COL25A1: variants seen among roughly 807,000 people sequenced by gnomAD.
COL25A1 encodes the protein collagen alpha-1(XXV) chain.
A neutral mutation model predicts 128.4 loss-of-function variants in COL25A1; 103 were observed. That is an observed-to-expected ratio of 0.80 (90% CI 0.68 to 0.94). The LOEUF is 0.94. COL25A1 is among the 40% of genes least tolerant of loss of function. The probability of loss-of-function intolerance (pLI) is 0.00; values close to 1 mark genes in which losing one functional copy is unlikely to be tolerated. For missense variants in COL25A1, 745 were observed against 840.0 expected (o/e 0.89, Z 1.40); for synonymous variants, 279 against 277.2 (o/e 1.01, Z -0.06).
intron 3 of COL25A1, among the ~76,000 whole-genome samples, chr4:109,151,667 C>T (rs897033476): frequency 9.9e-5 from 15 of 152,102 alleles, no homozygotes; most frequent in South Asian, 4.1e-4. Context: ...TTCACACTGT[C>T]GGTACATACA....
chr4:109,271,330 A>G lies in COL25A1; in HGVS notation c.367+29253T>C, dbSNP rs370965250. On this transcript the variant is annotated intron_variant, in intron 3 of 37. Transcript: ENST00000399132. Reference sequence around the variant, plus strand: ...AAATGCCCAATTTTATAGTGTACTAAATTCTACTTCACCTAGCTGAAAACT... The same window carrying G: ...AAATGCCCAATTTTATAGTGTACTAGATTCTACTTCACCTAGCTGAAAACT... 3.3e-5 allele frequency among the ~76,000 whole-genome samples: 5 copies of G among 152,330 alleles called. No individual in the cohort carries two copies. The East Asian group carries it at 9.6e-4, about 29-fold the overall frequency.
chr4:109,224,998 C>A (rs1433111933), intron 3 of COL25A1, among the ~76,000 whole-genome samples: 2 of 152,094 alleles, frequency 1.3e-5, no homozygotes, highest in Non-Finnish European at 2.9e-5. Context: ...GAGTCATACT[C>A]CCAGAAAATC....
chr4:109,183,750 C>T (rs952020566), intron 3 of COL25A1, among the ~76,000 whole-genome samples: 2 of 151,926 alleles, frequency 1.3e-5, no homozygotes, highest in African/African-American at 2.4e-5. Context: ...AGAGGCACAA[C>T]ACGTATGCCC....
chr4:109,188,431 T>G (rs1775324047), intron 3 of COL25A1, among the ~76,000 whole-genome samples: 1 of 152,214 alleles, frequency 6.6e-6, no homozygotes, highest in Non-Finnish European at 1.5e-5. Context: ...TTTCATGATT[T>G]CATATTCAGA....
Position 109,091,513 on chromosome 4 carries a change from C to CTG in COL25A1, c.368-41336_368-41335dup, listed in dbSNP as rs371065937. Among the ~76,000 whole-genome samples, 7 of 151,718 alleles carry CTG rather than the reference C, an allele frequency of 4.6e-5. 1 individual carries two copies. Among genetic ancestry groups the CTG allele is most frequent in the South Asian group, 4.2e-4 (2 of 4,816 alleles). On this transcript the variant is annotated intron_variant, in intron 3 of 37. Transcript: ENST00000399132. ...ACCGTTATTTTCATCCAAATCGTCTCTGTGTGTGTGTGTGTCTGTCTATCT... is the reference window on the plus strand; with the variant it reads ...ACCGTTATTTTCATCCAAATCGTCTCTGTGTGTGTGTGTGTGTCTGTCTATCT...
chr4:108,897,895 G>A (rs886547465), intron 15 of COL25A1, among the ~76,000 whole-genome samples: 14 of 152,078 alleles, frequency 9.2e-5, no homozygotes, highest in African/African-American at 2.7e-4. Flanking sequence ...AATACACTGC[G>A]GCAGGCCACA....
chr4:109,199,810 T>G (rs1776411485), intron 3 of COL25A1, among the ~76,000 whole-genome samples: 1 of 152,158 alleles, frequency 6.6e-6, no homozygotes, highest in Non-Finnish European at 1.5e-5. Flanking sequence ...TAATTTACCA[T>G]GACTCTTGTC....
chr4:108,840,969 T>C (rs1407494864), intron 31 of COL25A1, among the ~76,000 whole-genome samples: 2 of 152,144 alleles, frequency 1.3e-5, no homozygotes, highest in Non-Finnish European at 2.9e-5. Context: ...CCTGGCAAGA[T>C]TGAGATTAGA....
intron 3 of COL25A1, among the ~76,000 whole-genome samples, chr4:109,246,265 CAG>C (rs1306262682): frequency 1.3e-5 from 2 of 152,050 alleles, no homozygotes; most frequent in Non-Finnish European, 2.9e-5. Context: ...TAAAATTAAG[CAG>C]AGATATAAAA....
intron 26 of COL25A1, among the ~76,000 whole-genome samples, chr4:108,849,471 A>T (rs1419998291): frequency 6.6e-6 from 1 of 152,208 alleles, no homozygotes; most frequent in Non-Finnish European, 1.5e-5. Context: ...TTTTTGACAA[A>T]CTCAAAATAT....
chr4:109,077,562 A>C (rs890614240), intron 3 of COL25A1, among the ~76,000 whole-genome samples: 2 of 152,244 alleles, frequency 1.3e-5, no homozygotes, highest in Non-Finnish European at 2.9e-5. Flanking sequence ...CAGACTAAAA[A>C]TTTTAAATAG....
intron 18 of COL25A1, among the ~76,000 whole-genome samples, chr4:108,887,977 C>G (rs1741022766): frequency 6.6e-6 from 1 of 152,076 alleles, no homozygotes; most frequent in African/African-American, 2.4e-5. Context: ...GACCATGGAT[C>G]TCTGTATCAC....
intron 6 of COL25A1, among the ~76,000 whole-genome samples, chr4:109,007,835 G>A (rs138371972): frequency 7.9e-5 from 12 of 152,164 alleles, no homozygotes; most frequent in Non-Finnish European, 1.5e-4. Context: ...TTCATTCTTA[G>A]CCACCATCAT....
intron 3 of COL25A1, among the ~76,000 whole-genome samples, chr4:109,055,747 G>A (rs1451766902): frequency 1.3e-5 from 2 of 152,100 alleles, no homozygotes; most frequent in South Asian, 2.1e-4. Flanking sequence ...CTGACCACTC[G>A]GAAAACTTTA....
intron 3 of COL25A1, among the ~76,000 whole-genome samples, chr4:109,143,498 G>A (rs1222803049): frequency 6.6e-6 from 1 of 152,192 alleles, no homozygotes; most frequent in East Asian, 1.9e-4. Flanking sequence ...CCTAAAGAGT[G>A]TCTTCCAACT....
rs796972795 is a variant in COL25A1, at chr4:109,165,788, T to C, written c.368-115609A>G. Among the ~76,000 whole-genome samples the C allele has an allele frequency of 1.4e-4, 21 of 152,318 alleles. 1 individual carries two copies. Among genetic ancestry groups the C allele is most frequent in the African/African-American group, 4.3e-4 (18 of 41,564 alleles). ...AAAAGTATAGTTCACATTAAGTGTA[T>C]GCTATCTCCATAATATTAAGAACTT... is the stretch of plus-strand genomic sequence containing the variant. On this transcript the variant is annotated intron_variant, in intron 3 of 37. Transcript: ENST00000399132.
At chr4:108,908,346 C>T (rs1016440149) in intron 13 of COL25A1, among the ~76,000 whole-genome samples, 1 of 152,184 alleles carries the variant, frequency 6.6e-6, no homozygotes, top group Non-Finnish European at 1.5e-5. Context: ...TTCCACCTCA[C>T]TGTCCTCTTT....
At chr4:108,874,875 C>T (rs537642719) in intron 19 of COL25A1, among the ~76,000 whole-genome samples, 19 of 152,236 alleles carry the variant, frequency 1.2e-4, no homozygotes, top group Admixed American at 3.3e-4. Context: ...TACTTTAATC[C>T]GTTTTTTTTC....
chr4:109,162,951 G>A (rs1772726489), intron 3 of COL25A1, among the ~76,000 whole-genome samples: 1 of 152,194 alleles, frequency 6.6e-6, no homozygotes, highest in South Asian at 2.1e-4. Flanking sequence ...TTGAGGCACT[G>A]TTCTGACATG....
Sources: gnomAD v4.1 joint callset for allele counts (sites outside exome capture counted in the v4.1 genomes callset) on GRCh38, gnomAD v4.1.1 for gene constraint, MANE v1.5 for transcripts, NCBI Gene and HGNC (gene_info 2026-07-23, HGNC 2026-07-21) for gene names.